Variants in CRACR2A observed in about 807,000 individuals in gnomAD.
CRACR2A encodes the protein EF-hand calcium-binding domain-containing protein 4B.
CRACR2A carries 79 observed loss-of-function variants against 90.5 expected under a neutral mutation model. That is an observed-to-expected ratio of 0.87 (90% CI 0.73 to 1.05). The LOEUF is 1.05. Ranked by LOEUF, CRACR2A falls within the 50% of genes least tolerant of loss-of-function variation. CRACR2A has a pLI of 0.00. For synonymous variants in CRACR2A, 338 were observed against 356.7 expected (o/e 0.95, Z 0.59); for missense variants, 823 against 897.2 (o/e 0.92, Z 1.06).
At chr12:3,700,400 C>T (rs936419971) in intron 3 of CRACR2A, among the ~76,000 whole-genome samples, 11 of 152,162 alleles carry the variant, frequency 7.2e-5, no homozygotes, top group African/African-American at 2.2e-4. Context: ...GGTCATGGCA[C>T]GGGGAGGGGA....
intron 1 of CRACR2A, among the ~76,000 whole-genome samples, chr12:3,742,269 T>C (rs1946538788): frequency 6.6e-6 from 1 of 152,222 alleles, no homozygotes; most frequent in Non-Finnish European, 1.5e-5. Flanking sequence ...CTTTTCCTGG[T>C]GGATAACTGT....
chr12:3,668,779 G>A (rs563645999), intron 7 of CRACR2A, among the ~76,000 whole-genome samples: 1 of 152,298 alleles, frequency 6.6e-6, no homozygotes, highest in South Asian at 2.1e-4. Context: ...CCAGAGCACA[G>A]GGAATCACCA....
At chr12:3,632,215 C>G (rs1015884143) in intron 15 of CRACR2A, among the ~76,000 whole-genome samples, 8 of 152,144 alleles carry the variant, frequency 5.3e-5, no homozygotes, top group African/African-American at 1.9e-4. Flanking sequence ...TTACCTTCCG[C>G]CATAACTGTA....
intron 8 of CRACR2A, among the ~76,000 whole-genome samples, chr12:3,657,921 A>G (rs1169310920): frequency 1.3e-5 from 2 of 152,200 alleles, no homozygotes; most frequent in African/African-American, 4.8e-5. Flanking sequence ...TCAAGCCAGG[A>G]TCCAAATTCC....
chr12:3,695,668 A>C (rs1034145435), intron 4 of CRACR2A, among the ~76,000 whole-genome samples: 1 of 152,172 alleles, frequency 6.6e-6, no homozygotes, highest in African/African-American at 2.4e-5. Flanking sequence ...ATTCTGAAAA[A>C]CTAGACTTAA....
intron 17 of CRACR2A, among the ~76,000 whole-genome samples, chr12:3,624,428 A>G (rs1010554132): frequency 6.6e-6 from 1 of 152,234 alleles, no homozygotes; most frequent in East Asian, 1.9e-4. Flanking sequence ...GTTTTAATCT[A>G]TCACCTGACA....
chr12:3,660,215 C>G (rs984426649), intron 7 of CRACR2A, among the ~76,000 whole-genome samples: 3 of 152,138 alleles, frequency 2.0e-5, no homozygotes, highest in Admixed American at 2.0e-4. Context: ...CCATGTTTCT[C>G]ATGAGATTCT....
chr12:3,666,225 G>A (rs187836268), intron 7 of CRACR2A, among the ~76,000 whole-genome samples: 139 of 152,190 alleles, frequency 9.1e-4, no homozygotes, highest in Non-Finnish European at 1.7e-3. Context: ...GAAAGAATGA[G>A]TCCTACTGAA....
At chr12:3,660,963 G>C (rs1286598284) in intron 7 of CRACR2A, among the ~76,000 whole-genome samples, 2 of 151,844 alleles carry the variant, frequency 1.3e-5, no homozygotes, top group African/African-American at 2.4e-5. Context: ...TTCAATAATT[G>C]AGGAAACAGC....
chr12:3,733,410 G>A (rs907293366), intron 1 of CRACR2A, among the ~76,000 whole-genome samples, 200 bp from the exon 2 acceptor site: 3 of 152,186 alleles, frequency 2.0e-5, no homozygotes, highest in Middle Eastern at 3.2e-3. Flanking sequence ...GCCTCATCCA[G>A]CCAAAACAAT....
At position 3,711,326 on chromosome 12, in the gene CRACR2A, T is replaced by C. The variant is rs537559815; in HGVS notation, c.-37+1911A>G. Among the ~76,000 whole-genome samples, 1 of 152,330 alleles carries C rather than the reference T, an allele frequency of 6.6e-6. No individual in the cohort carries two copies. Among genetic ancestry groups the C allele is most frequent in the South Asian group, 2.1e-4 (1 of 4,828 alleles). ...ATTTCATCTTAAGTCATAGTCCTCC[T>C]CTCAAATTTTACTTTAAGCAGTCGA... On this transcript the variant is annotated intron_variant, in intron 3 of 19. Coordinates refer to ENST00000440314, the MANE Select transcript of CRACR2A (RefSeq NM_001144958.2). This position sits in a 1 kb window ranked among gnomAD's most constrained non-coding sequence, Gnocchi z 4.3.
chr12:3,651,541 T>A (rs1944794555), intron 10 of CRACR2A, among the ~76,000 whole-genome samples: 3 of 152,238 alleles, frequency 2.0e-5, no homozygotes. Flanking sequence ...CTTTACATTA[T>A]CTCTCTGCTT....
At chr12:3,732,025 T>A (rs1349318504) in intron 2 of CRACR2A, 6 of 152,230 alleles carry the variant, frequency 3.9e-5, no homozygotes. Flanking sequence ...TTGGTGGCAC[T>A]TTGTTAAGGC....
At chr12:3,750,862 G>A (rs912997058) in intron 1 of CRACR2A, among the ~76,000 whole-genome samples, 4 of 152,098 alleles carry the variant, frequency 2.6e-5, no homozygotes, top group Non-Finnish European at 2.9e-5. Context: ...TGGCTACTGC[G>A]GCCACTGCCC....
intron 4 of CRACR2A, among the ~76,000 whole-genome samples, chr12:3,685,932 G>A: frequency 6.6e-6 from 1 of 152,220 alleles, no homozygotes; most frequent in African/African-American, 2.4e-5. Flanking sequence ...ACAATGCAGA[G>A]GACATCAGGT....
At chr12:3,718,807 C>T (rs1481350445) in intron 2 of CRACR2A, among the ~76,000 whole-genome samples, 11 of 152,170 alleles carry the variant, frequency 7.2e-5, no homozygotes, top group Non-Finnish European at 1.5e-5. Context: ...AGGCAGGTGT[C>T]TCTTTGGTTC....
At chr12:3,725,181 C>T (rs577511482) in intron 2 of CRACR2A, among the ~76,000 whole-genome samples, 1 of 152,290 alleles carries the variant, frequency 6.6e-6, no homozygotes, top group African/African-American at 2.4e-5. Context: ...ATCTCCTCCA[C>T]CCGTTAGGCA....
chr12:3,627,834 C>T (rs1417915579), intron 15 of CRACR2A, 128 bp from the exon 16 acceptor site: 42 of 919,338 alleles, frequency 4.6e-5, no homozygotes, highest in Middle Eastern at 6.3e-4. Flanking sequence ...ATGTGCAGCT[C>T]GTGGGAGGCA....
In CRACR2A at chr12:3,662,678, A is replaced by C. The variant is rs1223901121; in HGVS notation, c.672-3024T>G. Among the ~76,000 whole-genome samples the C allele has an allele frequency of 2.6e-5, 4 of 152,346 alleles. No homozygotes were observed. In the East Asian group the frequency reaches 7.7e-4, roughly 29 times the overall value. On this transcript the variant is annotated intron_variant, in intron 7 of 19. Coordinates refer to ENST00000440314, the MANE Select transcript of CRACR2A (RefSeq NM_001144958.2). ...TGGGAAGATGAAGAAGAAATAACTC[A>C]GTCAATAAAAGTGCCTGTCAGACCA...
Sources: gnomAD v4.1 joint callset for allele counts (sites outside exome capture counted in the v4.1 genomes callset) on GRCh38, gnomAD v4.1.1 for gene constraint, Gnocchi (gnomAD v3.1) non-coding constraint, MANE v1.5 for transcripts, NCBI Gene and HGNC (gene_info 2026-07-23, HGNC 2026-07-21) for gene names.